The following RAPGEF2 variants were observed in gnomAD, a reference collection of about 807,000 sequenced individuals.
The protein encoded by RAPGEF2 is Rap guanine nucleotide exchange factor 2, also known as PDZ domain containing guanine nucleotide exchange factor (GEF) 1.
A neutral mutation model predicts 186.7 loss-of-function variants in RAPGEF2; 54 were observed. The observed-to-expected ratio is 0.29, with a 90% CI of 0.23 to 0.36. The LOEUF is 0.36. Ranked by LOEUF, RAPGEF2 falls within the 10% of genes least tolerant of loss-of-function variation. The probability of loss-of-function intolerance (pLI) is 1.00; values close to 1 mark genes in which losing one functional copy is unlikely to be tolerated. For synonymous variants in RAPGEF2, 712 were observed against 705.9 expected (o/e 1.01, Z -0.14); for missense variants, 1,532 against 2,045.0 (o/e 0.75, Z 4.84).
At chr4:159,337,581 T>C (rs374994910) in intron 17 of RAPGEF2, among the ~76,000 whole-genome samples, 2 of 152,148 alleles carry the variant, frequency 1.3e-5, no homozygotes, top group South Asian at 4.2e-4. Context: ...TTTTTATGGC[T>C]TATCTACTTA....
At chr4:159,126,618 A>G (rs957168379) in intron 1 of RAPGEF2, among the ~76,000 whole-genome samples, 16 of 152,134 alleles carry the variant, frequency 1.1e-4, no homozygotes, top group Non-Finnish European at 1.2e-4. Flanking sequence ...CTTACTGGAT[A>G]AACACTCCTC....
At chr4:159,271,752 CT>C (rs1758160378) in intron 7 of RAPGEF2, among the ~76,000 whole-genome samples, 1 of 152,082 alleles carries the variant, frequency 6.6e-6, no homozygotes, top group Non-Finnish European at 1.5e-5. Flanking sequence ...TGAAAAAGTG[CT>C]TTTTTCCTGC....
intron 3 of RAPGEF2, 65 bp downstream of exon 3, chr4:159,193,321 AAAG>A (rs1473389459): frequency 1.9e-6 from 2 of 1,028,322 alleles, no homozygotes; most frequent in Non-Finnish European, 2.7e-6. Context: ...TTAAAGTATC[AAAG>A]GAGTATTAGT....
chr4:159,179,199 A>C (rs1407382444), intron 1 of RAPGEF2, among the ~76,000 whole-genome samples: 1 of 70,764 alleles, frequency 1.4e-5, no homozygotes, highest in East Asian at 2.1e-4. Flanking sequence ...GGGAAAAAAT[A>C]GCTTACTTTT....
chr4:159,216,435 T>A (rs1402510847), intron 4 of RAPGEF2, among the ~76,000 whole-genome samples: 2 of 151,950 alleles, frequency 1.3e-5, no homozygotes, highest in African/African-American at 4.8e-5. Flanking sequence ...GGTTTATAGT[T>A]TAGATTGTTG....
intron 1 of RAPGEF2, among the ~76,000 whole-genome samples, chr4:159,131,341 C>T (rs1016236884): frequency 2.0e-5 from 3 of 151,784 alleles, no homozygotes; most frequent in African/African-American, 7.3e-5. Context: ...AACTCCCAAC[C>T]TCAGGTGATC....
intron 3 of RAPGEF2, among the ~76,000 whole-genome samples, chr4:159,205,019 T>A (rs191995183): frequency 1.9e-3 from 288 of 152,258 alleles, no homozygotes; most frequent in Admixed American, 4.2e-3. Context: ...TAAAAAAAAA[T>A]TATTTGAGGA....
chr4:159,113,844 A>C (rs1738761947), intron 1 of RAPGEF2, among the ~76,000 whole-genome samples: 1 of 152,042 alleles, frequency 6.6e-6, no homozygotes, highest in South Asian at 2.1e-4. Flanking sequence ...GTATTGAACC[A>C]CTAGTAAAAT....
At chr4:159,322,305 T>G in intron 9 of RAPGEF2, 42 bp from the exon 10 acceptor site, 1 of 1,578,188 alleles carries the variant, frequency 6.3e-7, no homozygotes, top group African/African-American at 1.3e-5. Context: ...TTGTTTTTAA[T>G]AAAAGTAGTA....
chr4:159,107,708 G>C (rs1738031164), intron 1 of RAPGEF2, among the ~76,000 whole-genome samples: 1 of 152,110 alleles, frequency 6.6e-6, no homozygotes, highest in South Asian at 2.1e-4. Context: ...GTACTTGGTA[G>C]AATTCATCGT....
At chr4:159,348,246 G>A (rs6839062) in intron 25 of RAPGEF2, among the ~76,000 whole-genome samples, 6,225 of 30,080 alleles carry the variant, frequency 0.21, 200 homozygotes, top group East Asian at 0.31. Context: ...ATAGATAGAT[G>A]GATGGATGGA....
At chr4:159,225,287 A>G (rs1027095679) in intron 4 of RAPGEF2, among the ~76,000 whole-genome samples, 4 of 152,212 alleles carry the variant, frequency 2.6e-5, no homozygotes, top group South Asian at 4.1e-4. Context: ...CTCATGGTCT[A>G]TTTTAGCAAG....
chr4:159,142,181 C>T (rs530524899), intron 1 of RAPGEF2, among the ~76,000 whole-genome samples: 4 of 152,058 alleles, frequency 2.6e-5, no homozygotes, highest in Non-Finnish European at 5.9e-5. Flanking sequence ...AAGAAGTACC[C>T]TAATGTCACT....
At chr4:159,314,897 A>G in intron 9 of RAPGEF2, 129 bp downstream of exon 9, 1 of 893,728 alleles carries the variant, frequency 1.1e-6, no homozygotes, top group African/African-American at 1.7e-5. Context: ...CTTTGTATAA[A>G]CAGTAGTATT....
At chr4:159,201,358 G>T (rs1238093793) in intron 3 of RAPGEF2, among the ~76,000 whole-genome samples, 1 of 152,104 alleles carries the variant, frequency 6.6e-6, no homozygotes, top group Non-Finnish European at 1.5e-5. Flanking sequence ...TTTTGAAGCC[G>T]TGGAACACTT....
intron 8 of RAPGEF2, 129 bp downstream of exon 8, chr4:159,304,602 A>G (rs1763060608): frequency 1.2e-6 from 1 of 803,952 alleles, no homozygotes; most frequent in Non-Finnish European, 1.8e-6. Context: ...TACATAAAAT[A>G]TTAATGTTTA....
At chr4:159,249,185 G>A (rs185394254) in intron 7 of RAPGEF2, among the ~76,000 whole-genome samples, 9 of 151,566 alleles carry the variant, frequency 5.9e-5, no homozygotes, top group Non-Finnish European at 1.2e-4. Context: ...TTGCAACAGC[G>A]AAGATGCTTT....
At chr4:159,306,550 A>C (rs899060897) in intron 8 of RAPGEF2, among the ~76,000 whole-genome samples, 1 of 152,256 alleles carries the variant, frequency 6.6e-6, no homozygotes, top group East Asian at 1.9e-4. Context: ...AGGGGTTTCT[A>C]TATATAATGA....
chr4:159,346,849 G>T lies in RAPGEF2; in HGVS notation c.3563G>T (p.Arg1188Met). The change falls in exon 25 of 30, where the codon AGG becomes ATG. Residue 1188 changes from arginine (R) to methionine (M), a missense_variant. This residue lies in a region of RAPGEF2 where 594 missense variants were observed against 608.5 expected (regional missense o/e 0.98). Coordinates refer to ENST00000691494, the MANE Select transcript of RAPGEF2 (RefSeq NM_001394067.2). The part of the protein sequence containing the change: ...VKSETSPVAP[R>M]AGSQQKAQSL... ...TCCGAGACCTCTCCAGTAGCTCCAA[G>T]GGCAGGGTCACAACAGAAAGCTCAG... 2 of 1,614,130 alleles carry T rather than the reference G, an allele frequency of 1.2e-6. No individual in the cohort carries two copies. Among genetic ancestry groups the T allele is most frequent in the Non-Finnish European group, 1.7e-6 (2 of 1,180,026 alleles).
Sources: gnomAD v4.1 joint callset for allele counts (sites outside exome capture counted in the v4.1 genomes callset) on GRCh38, gnomAD v4.1.1 for gene constraint, gnomAD v4.1.1 regional missense constraint, MANE v1.5 for transcripts, NCBI Gene and HGNC (gene_info 2026-07-23, HGNC 2026-07-21) for gene names.